The following SMAP1 variants were observed in gnomAD, a reference collection of about 807,000 sequenced individuals.
SMAP1 encodes small ArfGAP 1.
Under a neutral mutation model 58.5 loss-of-function variants are expected in SMAP1, and 24 were observed. The observed-to-expected ratio is 0.41, with a 90% CI of 0.30 to 0.58. The LOEUF (loss-of-function observed/expected upper bound fraction) is 0.58, where lower values mean the gene tolerates loss of function less well. Among genes scored for constraint, SMAP1 ranks in the 20% least tolerant of loss-of-function variants. SMAP1 has a pLI of 0.29. For synonymous variants in SMAP1, 216 were observed against 196.6 expected, an observed-to-expected ratio of 1.10 and a Z score of -0.82; for missense variants, 563 against 566.3, an observed-to-expected ratio of 0.99 and a Z score of 0.06.
At chr6:70,717,535 C>A (rs1004704370) in intron 1 of SMAP1, among the ~76,000 whole-genome samples, 4 of 152,198 alleles carry the variant, frequency 2.6e-5, no homozygotes, top group African/African-American at 9.7e-5. Context: ...TAAACTTTTT[C>A]TACCTGTTTG....
In SMAP1 at chr6:70,861,627, A is replaced by G. The variant is rs1016600156; in HGVS notation, c.*1293A>G. ...CAAACATCCTCTTCCATATGGATCC[A>G]CTGGCTGGACAAACTGCACCAGTTG... On this transcript the variant is annotated 3_prime_UTR_variant, in exon 11 of 11. Coordinates refer to ENST00000370455, the MANE Select transcript of SMAP1 (RefSeq NM_001044305.3). 13 of 1,586,426 alleles carry G rather than the reference A, an allele frequency of 8.2e-6. No homozygotes were observed. Among genetic ancestry groups the G allele is most frequent in the South Asian group, 1.1e-5 (1 of 89,784 alleles).
intron 1 of SMAP1, among the ~76,000 whole-genome samples, chr6:70,699,637 C>T (rs899810816): frequency 6.6e-6 from 1 of 151,996 alleles, no homozygotes; most frequent in South Asian, 2.1e-4. Flanking sequence ...AACATTCTTC[C>T]CTCTCCTTTC....
At chr6:70,836,241 AC>A (rs1770578522) in intron 6 of SMAP1, among the ~76,000 whole-genome samples, 1 of 152,188 alleles carries the variant, frequency 6.6e-6, no homozygotes, top group African/African-American at 2.4e-5. Flanking sequence ...GGGAGGCCTC[AC>A]AATCATGATG....
chr6:70,715,655 G>A (rs778677300), intron 1 of SMAP1, among the ~76,000 whole-genome samples: 1 of 152,216 alleles, frequency 6.6e-6, no homozygotes, highest in Non-Finnish European at 1.5e-5. Flanking sequence ...ACTTGGGATG[G>A]TGGAGTAGGG....
chr6:70,819,149 A>G (rs188096408), intron 6 of SMAP1, among the ~76,000 whole-genome samples: 1 of 152,240 alleles, frequency 6.6e-6, no homozygotes, highest in East Asian at 1.9e-4. Context: ...TCTTTCACTT[A>G]GCATAGTCTT....
At chr6:70,859,572 G>A in intron 10 of SMAP1, 3 of 463,728 alleles carry the variant, frequency 6.5e-6, no homozygotes, top group Non-Finnish European at 3.7e-6. Flanking sequence ...CTCACTATAT[G>A]GTAAATCTTG....
rs540118017 is a variant in SMAP1, at chr6:70,827,463, T to C, written c.577-9478T>C. The stretch of plus-strand genomic sequence containing the variant: ...TTCTGTTGCTTTGGAGAAGGTCAGC[T>C]CCACAAATTTATTCCTCCATTTGTT... On this transcript the variant is annotated intron_variant, in intron 6 of 10. Coordinates refer to ENST00000370455, the MANE Select transcript of SMAP1 (RefSeq NM_001044305.3). Among the ~76,000 whole-genome samples, 3 of 152,316 alleles carry C rather than the reference T, an allele frequency of 2.0e-5. No individual in the cohort carries two copies. In the East Asian group the frequency reaches 5.8e-4, roughly 29 times the overall value.
intron 4 of SMAP1, among the ~76,000 whole-genome samples, chr6:70,785,773 A>C (rs896353591): frequency 1.3e-5 from 2 of 152,262 alleles, no homozygotes; most frequent in African/African-American, 4.8e-5. Context: ...CTCTCTGAAT[A>C]GACCAATAAC....
At chr6:70,849,195 C>G (rs890492679) in intron 7 of SMAP1, among the ~76,000 whole-genome samples, 1 of 152,118 alleles carries the variant, frequency 6.6e-6, no homozygotes, top group Non-Finnish European at 1.5e-5. Context: ...ATGAAAAAGT[C>G]TTCCTTAATC....
At chr6:70,723,274 A>C (rs887088087) in intron 1 of SMAP1, among the ~76,000 whole-genome samples, 8 of 152,148 alleles carry the variant, frequency 5.3e-5, no homozygotes, top group Non-Finnish European at 1.0e-4. Flanking sequence ...CTATAGGCAC[A>C]TGCCATTGCA....
chr6:70,833,571 C>G (rs1770449164), intron 6 of SMAP1, among the ~76,000 whole-genome samples: 1 of 152,162 alleles, frequency 6.6e-6, no homozygotes, highest in Admixed American at 6.5e-5. Context: ...AGGGCATAGA[C>G]ATTTCTCATT....
chr6:70,788,707 T>A (rs1768198333), intron 4 of SMAP1, among the ~76,000 whole-genome samples: 1 of 152,110 alleles, frequency 6.6e-6, no homozygotes, highest in South Asian at 2.1e-4. Context: ...CATATATGGC[T>A]GGGCAGAGTG....
intron 3 of SMAP1, among the ~76,000 whole-genome samples, chr6:70,771,232 A>G (rs1009941416): frequency 3.9e-5 from 6 of 152,236 alleles, no homozygotes; most frequent in African/African-American, 7.2e-5. Flanking sequence ...CAGTCTGCCC[A>G]TTCTCAGATC....
At chr6:70,824,514 T>A (rs190869731) in intron 6 of SMAP1, among the ~76,000 whole-genome samples, 51 of 152,268 alleles carry the variant, frequency 3.3e-4, no homozygotes, top group Admixed American at 2.2e-3. Context: ...TGTTACTTAA[T>A]GTTGTTTTAA....
intron 9 of SMAP1, chr6:70,857,379 G>T (rs1771472704): frequency 5.6e-6 from 1 of 178,280 alleles, no homozygotes; most frequent in Admixed American, 5.8e-5. Flanking sequence ...ACAGTCTTGA[G>T]TTACCACATG....
intron 1 of SMAP1, among the ~76,000 whole-genome samples, chr6:70,693,544 C>T (rs1015137118): frequency 3.3e-5 from 5 of 151,018 alleles, no homozygotes; most frequent in South Asian, 2.1e-4. Context: ...CCTCATGATC[C>T]GCCTGCCTCG....
At chr6:70,784,709 C>T (rs1229733656) in intron 4 of SMAP1, among the ~76,000 whole-genome samples, 1 of 152,164 alleles carries the variant, frequency 6.6e-6, no homozygotes. Flanking sequence ...ACAAAGAAGA[C>T]CATTACATAA....
chr6:70,861,594 C>T lies in SMAP1; in HGVS notation c.*1260C>T. The T allele has an allele frequency of 2.1e-6, 3 of 1,439,014 alleles. No individual in the cohort carries two copies. Among genetic ancestry groups the T allele is most frequent in the Non-Finnish European group, 2.9e-6 (3 of 1,033,258 alleles). 89.1% of individuals were successfully genotyped at this position (1,439,014 alleles called of 1,614,324 possible). On this transcript the variant is annotated 3_prime_UTR_variant, in exon 11 of 11. Coordinates refer to ENST00000370455, the MANE Select transcript of SMAP1 (RefSeq NM_001044305.3). ...AAACAATACCTGAATGCTCTGTAGC[C>T]TAAACTCCAAACATCCTCTTCCATA... is the stretch of plus-strand genomic sequence containing the variant.
At chr6:70,844,485 T>TGG (rs1562199186) in intron 7 of SMAP1, among the ~76,000 whole-genome samples, 3 of 152,196 alleles carry the variant, frequency 2.0e-5, no homozygotes. Flanking sequence ...ATTTCCCTGC[T>TGG]GGCACAGTAG....
Sources: gnomAD v4.1 joint callset for allele counts (sites outside exome capture counted in the v4.1 genomes callset) on GRCh38, gnomAD v4.1.1 for gene constraint, MANE v1.5 for transcripts, NCBI Gene and HGNC (gene_info 2026-07-23, HGNC 2026-07-21) for gene names.